TENM2: variants seen among roughly 807,000 people sequenced by gnomAD.
TENM2 encodes the protein teneurin-2.
TENM2 carries 52 observed loss-of-function variants against 245.2 expected under a neutral mutation model. The observed-to-expected ratio is 0.21, with a 90% CI of 0.17 to 0.27. The LOEUF is 0.27. Among genes scored for constraint, TENM2 ranks in the 10% least tolerant of loss-of-function variants. The pLI, the probability that TENM2 is intolerant of heterozygous loss-of-function variation, is 1.00. For missense variants in TENM2, 3,046 were observed against 3,666.8 expected, an observed-to-expected ratio of 0.83 and a Z score of 4.37; for synonymous variants, 1,363 against 1,438.9, an observed-to-expected ratio of 0.95 and a Z score of 1.19.
intron 1 of TENM2, among the ~76,000 whole-genome samples, chr5:167,331,837 T>C (rs1312829799): frequency 6.6e-6 from 1 of 152,188 alleles, no homozygotes; most frequent in Non-Finnish European, 1.5e-5. Context: ...GGAAAACAAC[T>C]CTGAGTGCAT....
intron 1 of TENM2, among the ~76,000 whole-genome samples, chr5:167,363,729 T>C (rs1310217438): frequency 2.6e-4 from 1 of 3,902 alleles, no homozygotes; most frequent in Non-Finnish European, 6.5e-4. Context: ...AGACTCCATC[T>C]CAAAAAAAAA....
rs142439045 is a variant in TENM2 at position 167,364,941 on chromosome 5, C to T, written c.227-10257C>T. On this transcript the variant is annotated intron_variant, in intron 1 of 28. Transcript: ENST00000518659. The stretch of plus-strand genomic sequence containing the variant: ...TATAGGATATAGAGAATTTGAAAAA[C>T]GTTGTTGACCACCTTGACCTAATAG... Among the ~76,000 whole-genome samples the T allele has an allele frequency of 2.0e-4, 31 of 151,838 alleles. No homozygotes were observed. In the East Asian group the frequency reaches 5.0e-3, roughly 25 times the overall value.
chr5:167,900,390 G>T (rs1441402698), intron 3 of TENM2, among the ~76,000 whole-genome samples: 1 of 152,132 alleles, frequency 6.6e-6, no homozygotes, highest in Non-Finnish European at 1.5e-5. Context: ...GTACTGAGAG[G>T]TTAAATGATA....
At chr5:168,151,159 G>C (rs1176142893) in intron 12 of TENM2, among the ~76,000 whole-genome samples, 2 of 152,158 alleles carry the variant, frequency 1.3e-5, no homozygotes, top group African/African-American at 4.8e-5. Context: ...TGCGATCCTT[G>C]ATAATGTCAC....
intron 2 of TENM2, among the ~76,000 whole-genome samples, chr5:167,832,380 G>A (rs970118853): frequency 2.0e-5 from 3 of 152,242 alleles, no homozygotes; most frequent in African/African-American, 4.8e-5. Context: ...ACGCTTGTCT[G>A]TGTAGACCAT....
intron 12 of TENM2, among the ~76,000 whole-genome samples, chr5:168,156,247 TAAAA>T (rs58825054): frequency 2.5e-5 from 2 of 80,798 alleles, no homozygotes; most frequent in Admixed American, 1.7e-4. Context: ...TCCCCATAGT[TAAAA>T]AAAAAAAAAA....
At chr5:167,300,100 G>A (rs1231863557) in intron 1 of TENM2, among the ~76,000 whole-genome samples, 3 of 152,184 alleles carry the variant, frequency 2.0e-5, no homozygotes, top group African/African-American at 7.2e-5. Context: ...CTTGTGTAAG[G>A]ATTCTGACCA....
At chr5:168,096,838 ATTTTG>A (rs1272235649) in intron 8 of TENM2, among the ~76,000 whole-genome samples, 1 of 150,092 alleles carries the variant, frequency 6.7e-6, no homozygotes, top group Non-Finnish European at 1.5e-5. Context: ...GTCTAAATGT[ATTTTG>A]TTTTAAGACA....
Position 167,940,886 on chromosome 5 carries a change from T to C in TENM2, c.713-11702T>C, listed in dbSNP as rs1357468090. Reference sequence around the variant, plus strand: ...TTCAGGTCTCTGATCAAATATCATCTTATCGAGAAGCCTTTCCAGACTACA... The same window carrying C: ...TTCAGGTCTCTGATCAAATATCATCCTATCGAGAAGCCTTTCCAGACTACA... On this transcript the variant is annotated intron_variant, in intron 3 of 28. Coordinates refer to ENST00000518659, the Ensembl canonical transcript of TENM2. 5.9e-5 allele frequency among the ~76,000 whole-genome samples: 9 copies of C among 152,226 alleles called. 1 individual carries two copies. The South Asian group carries it at 6.2e-4, about 10-fold the overall frequency.
chr5:167,863,579 G>A (rs1772031673), intron 2 of TENM2, among the ~76,000 whole-genome samples: 1 of 152,164 alleles, frequency 6.6e-6, no homozygotes, highest in Non-Finnish European at 1.5e-5. Context: ...GGGAGGTGGA[G>A]GTTGCAGTGA....
intron 2 of TENM2, among the ~76,000 whole-genome samples, chr5:167,870,577 G>GTGTATA (rs1554135302): frequency 7.3e-6 from 1 of 136,152 alleles, no homozygotes; most frequent in Admixed American, 7.2e-5. Flanking sequence ...ATATGTGTGT[G>GTGTATA]TATATATATA....
At chr5:167,860,992 T>C (rs370910103) in intron 2 of TENM2, among the ~76,000 whole-genome samples, 9,371 of 124,018 alleles carry the variant, frequency 0.076, 399 homozygotes, top group Middle Eastern at 0.14. Context: ...TATTGTCCCA[T>C]GACCCTGCCA....
At position 167,685,637 on chromosome 5, in the gene TENM2, G is replaced by A. The variant is rs1026804212; in HGVS notation, c.503-190349G>A. On this transcript the variant is annotated intron_variant, in intron 2 of 28. Transcript: ENST00000518659. ...ACCTGTTCCCAATGTGTGTAGAAGT[G>A]CAAAATCTTTTTATAAGAGTTTACC... is the stretch of plus-strand genomic sequence containing the variant. Among the ~76,000 whole-genome samples the A allele has an allele frequency of 4.6e-5, 7 of 152,046 alleles. No individual in the cohort carries two copies. The South Asian group carries it at 8.3e-4, about 18-fold the overall frequency.
intron 2 of TENM2, among the ~76,000 whole-genome samples, chr5:167,528,151 C>T (rs895477319): frequency 5.3e-5 from 8 of 152,026 alleles, no homozygotes; most frequent in African/African-American, 1.7e-4. Flanking sequence ...GATTTGGAGG[C>T]TGCGAATTAG....
chr5:167,278,844 A>T, the TENM2 span, among the ~76,000 whole-genome samples: 1 of 152,200 alleles, frequency 6.6e-6, no homozygotes, highest in African/African-American at 2.4e-5. Context: ...AAAGTTTATT[A>T]CATTTGCTCA....
At chr5:167,839,594 G>T (rs1463043523) in intron 2 of TENM2, among the ~76,000 whole-genome samples, 2 of 151,932 alleles carry the variant, frequency 1.3e-5, no homozygotes, top group East Asian at 3.9e-4. Flanking sequence ...TGTGTTTAAA[G>T]AATGGAGACC....
intron 5 of TENM2, among the ~76,000 whole-genome samples, chr5:168,044,460 C>T (rs866526907): frequency 1.6e-4 from 25 of 152,222 alleles, no homozygotes; most frequent in Admixed American, 8.5e-4. Flanking sequence ...CAAACTAGTC[C>T]ATATTGCTAC....
chr5:167,870,920 A>C (rs1287131780), intron 2 of TENM2, among the ~76,000 whole-genome samples: 1 of 152,010 alleles, frequency 6.6e-6, no homozygotes, highest in Non-Finnish European at 1.5e-5. Context: ...ATAAAAAAGA[A>C]CCCGTTGTTT....
At chr5:167,975,370 G>T (rs1016621681) in intron 4 of TENM2, among the ~76,000 whole-genome samples, 2 of 152,174 alleles carry the variant, frequency 1.3e-5, no homozygotes, top group Non-Finnish European at 2.9e-5. Flanking sequence ...TAGGGATGCT[G>T]CAGGGTCTGC....
Sources: gnomAD v4.1 joint callset for allele counts (sites outside exome capture counted in the v4.1 genomes callset) on GRCh38, gnomAD v4.1.1 for gene constraint, MANE v1.5 for transcripts, NCBI Gene and HGNC (gene_info 2026-07-23, HGNC 2026-07-21) for gene names.